The following HSDL2 variants were observed in gnomAD, a reference collection of about 807,000 sequenced individuals.
The protein encoded by HSDL2 is hydroxysteroid dehydrogenase-like protein 2.
Under a neutral mutation model 46.3 loss-of-function variants are expected in HSDL2, and 27 were observed. The ratio of observed to expected loss-of-function variants is 0.58; its 90% CI spans 0.43 to 0.80. The LOEUF is 0.80. Ranked by LOEUF, HSDL2 falls within the 30% of genes least tolerant of loss-of-function variation. HSDL2 has a pLI of 0.00. For missense variants in HSDL2, 451 were observed against 502.7 expected, an observed-to-expected ratio of 0.90 and a Z score of 0.98; for synonymous variants, 153 against 163.6, an observed-to-expected ratio of 0.94 and a Z score of 0.50.
intron 8 of HSDL2, among the ~76,000 whole-genome samples, chr9:112,453,143 C>A (rs900877378): frequency 2.6e-5 from 4 of 152,090 alleles, no homozygotes; most frequent in Non-Finnish European, 5.9e-5. Flanking sequence ...GATGCAGGGT[C>A]AATCCATGGG....
chr9:112,457,189 C>T (rs959483485), intron 9 of HSDL2, among the ~76,000 whole-genome samples: 3 of 151,940 alleles, frequency 2.0e-5, no homozygotes, highest in Admixed American at 6.6e-5. Flanking sequence ...CAAGCGCTTT[C>T]TGCTCAGATC....
Position 112,418,969 on chromosome 9 carries a change from T to TG in HSDL2, c.598+11_598+12insG. ...TATGGCCTAAAACAGGTATGTATTT[T>TG]TAAAAACTTCATTTGTTAGATTTTC... On this transcript the variant is annotated intron_variant, in intron 6 of 10. Coordinates refer to ENST00000398805, the MANE Select transcript of HSDL2 (RefSeq NM_032303.5). 2.1e-6 allele frequency: 3 copies of TG among 1,413,028 alleles called. No homozygotes were observed. Among genetic ancestry groups the TG allele is most frequent in the Non-Finnish European group, 3.0e-6 (3 of 1,004,764 alleles). 87.5% of individuals were successfully genotyped at this position (1,413,028 alleles called of 1,614,324 possible).
intron 8 of HSDL2, among the ~76,000 whole-genome samples, chr9:112,451,808 T>C (rs1022755292): frequency 6.6e-6 from 1 of 152,148 alleles, no homozygotes; most frequent in African/African-American, 2.4e-5. Flanking sequence ...TACTGTGTGA[T>C]TGATTCCATT....
intron 1 of HSDL2, among the ~76,000 whole-genome samples, chr9:112,395,046 CT>C (rs1831426992): frequency 6.6e-6 from 1 of 152,130 alleles, no homozygotes; most frequent in African/African-American, 2.4e-5. Context: ...ATAAAACCTA[CT>C]GTAAGCGAGA....
chr9:112,380,676 C>T (rs1831065918), intron 1 of HSDL2, among the ~76,000 whole-genome samples: 1 of 151,838 alleles, frequency 6.6e-6, no homozygotes, highest in South Asian at 2.1e-4. Context: ...TTTTTTTCAC[C>T]TTAAAAAATT....
At chr9:112,454,342 G>A (rs1465092737) in intron 9 of HSDL2, among the ~76,000 whole-genome samples, 180 bp downstream of exon 9, 1 of 152,152 alleles carries the variant, frequency 6.6e-6, no homozygotes, top group Non-Finnish European at 1.5e-5. Flanking sequence ...TGTTGTTGTT[G>A]TGTCTTTGAG....
At chr9:112,406,121 A>G (rs1324752329) in intron 3 of HSDL2, among the ~76,000 whole-genome samples, 1 of 151,642 alleles carries the variant, frequency 6.6e-6, no homozygotes, top group African/African-American at 2.4e-5. Context: ...AGATTGCACC[A>G]CTGCATTCCA....
chr9:112,455,914 T>C (rs766989187), intron 9 of HSDL2, among the ~76,000 whole-genome samples: 6 of 152,180 alleles, frequency 3.9e-5, no homozygotes. Flanking sequence ...TCTCCATCAG[T>C]GCATCTCAAG....
At chr9:112,409,472 T>C (rs1831810652) in intron 4 of HSDL2, among the ~76,000 whole-genome samples, 1 of 152,152 alleles carries the variant, frequency 6.6e-6, no homozygotes, top group South Asian at 2.1e-4. Flanking sequence ...ATTACAGGCA[T>C]GAGCCACCAT....
At chr9:112,455,070 T>C (rs1564131636) in intron 9 of HSDL2, among the ~76,000 whole-genome samples, 1 of 152,088 alleles carries the variant, frequency 6.6e-6, no homozygotes, top group South Asian at 2.1e-4. Context: ...ACGTTAATAA[T>C]AGTGTAAGAA....
chr9:112,447,866 G>A (rs926449924), intron 8 of HSDL2, among the ~76,000 whole-genome samples: 1 of 152,066 alleles, frequency 6.6e-6, no homozygotes, highest in Non-Finnish European at 1.5e-5. Flanking sequence ...AAATAAAAAG[G>A]GGAAAATTAA....
intron 3 of HSDL2, 48 bp downstream of exon 3, chr9:112,405,770 G>A (rs765550719): frequency 8.7e-7 from 1 of 1,142,940 alleles, no homozygotes; most frequent in South Asian, 1.3e-5. Context: ...TAAAATAAAG[G>A]TATAACTATA....
rs769786782 is a variant in HSDL2, at chr9:112,459,589, A to C, written c.1144+12A>C. 1 of 1,608,902 alleles carries C rather than the reference A, an allele frequency of 6.2e-7. No homozygotes were observed. Among genetic ancestry groups the C allele is most frequent in the Non-Finnish European group, 8.5e-7 (1 of 1,175,788 alleles). ...AAAAATGTTTTCAGGTGAGTTTTCC[A>C]GTTTATTAGTTTACCTTATTGTTCA... is the stretch of plus-strand genomic sequence containing the variant. On this transcript the variant is annotated intron_variant, in intron 10 of 10. Coordinates refer to ENST00000398805, the MANE Select transcript of HSDL2 (RefSeq NM_032303.5).
rs956896748 is a variant in HSDL2, at chr9:112,441,399, C to T, written c.794-300C>T. ...CTGACAACTTCGGAAGAATGTGGGC[C>T]AGAAGAGCAGTGTAGGATGAGAAGG... is the stretch of plus-strand genomic sequence containing the variant. On this transcript the variant is annotated intron_variant, in intron 7 of 10. Transcript: ENST00000398805. Among the ~76,000 whole-genome samples, 4 of 151,930 alleles carry T rather than the reference C, an allele frequency of 2.6e-5. 1 individual carries two copies. Among genetic ancestry groups the T allele is most frequent in the African/African-American group, 9.7e-5 (4 of 41,326 alleles).
In HSDL2 at chr9:112,459,577, G is replaced by C. The variant is rs369989348; in HGVS notation, c.1144G>C (p.Gly382Arg). The change falls in exon 10 of 11, where the codon GGG becomes CGG. Residue 382 changes from glycine (G) to arginine (R), a missense_variant and splice_region_variant. Gly to Arg is a moderately radical substitution (Grantham distance 125). Transcript: ENST00000398805. ...TGATGACTTTGTAAAAATGTTTTCAGGTGAGTTTTCCAGTTTATTAGTTTA... is the reference window on the plus strand; with the variant it reads ...TGATGACTTTGTAAAAATGTTTTCACGTGAGTTTTCCAGTTTATTAGTTTA... ...TTDDFVKMFS[G>R]KLKPTMAFMS... is the part of the protein sequence containing the mutation. 1.7e-4 allele frequency: 275 copies of C among 1,612,822 alleles called. No individual in the cohort carries two copies. Among genetic ancestry groups the C allele is most frequent in the Non-Finnish European group, 2.2e-4 (264 of 1,179,212 alleles).
chr9:112,430,572 G>A (rs1832364160), intron 6 of HSDL2, among the ~76,000 whole-genome samples: 1 of 152,166 alleles, frequency 6.6e-6, no homozygotes, highest in Non-Finnish European at 1.5e-5. Flanking sequence ...GAGGGGCAAA[G>A]GGGGGAACAG....
intron 4 of HSDL2, among the ~76,000 whole-genome samples, chr9:112,414,497 A>T (rs1831946851): frequency 6.6e-6 from 1 of 152,176 alleles, no homozygotes; most frequent in Non-Finnish European, 1.5e-5. Flanking sequence ...AATATATAAG[A>T]GGGCATGCTA....
intron 1 of HSDL2, among the ~76,000 whole-genome samples, chr9:112,400,614 C>G (rs1831569164): frequency 6.6e-6 from 1 of 152,142 alleles, no homozygotes; most frequent in Non-Finnish European, 1.5e-5. Flanking sequence ...TCAAACAAAA[C>G]AAAACAAACA....
intron 10 of HSDL2, among the ~76,000 whole-genome samples, chr9:112,467,731 C>T (rs1334845183): frequency 6.6e-6 from 1 of 152,194 alleles, no homozygotes; most frequent in Non-Finnish European, 1.5e-5. Context: ...TTCCTGTACT[C>T]TTCCCACAGC....
Sources: gnomAD v4.1 joint callset for allele counts (sites outside exome capture counted in the v4.1 genomes callset) on GRCh38, gnomAD v4.1.1 for gene constraint, MANE v1.5 for transcripts, NCBI Gene and HGNC (gene_info 2026-07-23, HGNC 2026-07-21) for gene names.